MCF2L: variants seen among roughly 807,000 people sequenced by gnomAD.
MCF2L encodes the protein MCF.2 cell line derived transforming sequence like.
In MCF2L, 97 loss-of-function variants were observed where a neutral mutation model predicts 153.4. That is an observed-to-expected ratio of 0.63 (90% CI 0.54 to 0.75). The LOEUF is 0.75. Among genes scored for constraint, MCF2L ranks in the 30% least tolerant of loss-of-function variants. MCF2L has a pLI of 0.00. For missense variants in MCF2L, 1,347 were observed against 1,495.2 expected (o/e 0.90, Z 1.64); for synonymous variants, 659 against 632.2 (o/e 1.04, Z -0.64).
Position 112,969,568 on chromosome 13 carries a change from G to A in MCF2L, c.79+110G>A. ...TAAGCCGCCCTCGTGTTCCTTTCTA[G>A]CCGTGGTAGCTGTGACATGGGGGGC... is the stretch of plus-strand genomic sequence containing the variant. On this transcript the variant is annotated intron_variant, in intron 1 of 29. Coordinates refer to ENST00000535094, the MANE Select transcript of MCF2L (RefSeq NM_001112732.3). This position sits in a 1 kb window ranked among gnomAD's most constrained non-coding sequence, Gnocchi z 4.8. 1 of 1,505,514 alleles carries A rather than the reference G, an allele frequency of 6.6e-7. No individual in the cohort carries two copies. The highest frequency in any genetic ancestry group is 8.9e-7 in the Non-Finnish European group (1 of 1,118,370). The allele number at this position is 1,505,514 out of a possible 1,614,324, so 93.3% of individuals were successfully genotyped here.
At position 113,053,543 on chromosome 13, in the gene MCF2L, G is replaced by A. The variant is rs1012980185; in HGVS notation, c.370-7050G>A. On this transcript the variant is annotated intron_variant, in intron 4 of 29. Transcript: ENST00000535094. This position sits in a 1 kb window ranked among gnomAD's most constrained non-coding sequence, Gnocchi z 4.4. ...TGCTCAGACGGCCAAGGAGGCGTCCGGATTTCCCCAGGAGAAGGTGCCTCT... is the reference window on the plus strand; with the variant it reads ...TGCTCAGACGGCCAAGGAGGCGTCCAGATTTCCCCAGGAGAAGGTGCCTCT... 6.6e-5 allele frequency among the ~76,000 whole-genome samples: 10 copies of A among 152,168 alleles called. No individual in the cohort carries two copies. Among genetic ancestry groups the A allele is most frequent in the African/African-American group, 1.2e-4 (5 of 41,446 alleles).
Position 113,070,036 on chromosome 13 carries a change from G to A in MCF2L, c.882-23G>A, listed in dbSNP as rs371941142. On this transcript the variant is annotated intron_variant, in intron 8 of 29. Transcript: ENST00000535094. This position sits in a 1 kb window ranked among gnomAD's most constrained non-coding sequence, Gnocchi z 5.6. Reference sequence around the variant, plus strand: ...ATGGGGCGCCGTGGGCCACACAGACGGTCAACTCCTCCTCTTTCCCAGGCT... The same window carrying A: ...ATGGGGCGCCGTGGGCCACACAGACAGTCAACTCCTCCTCTTTCCCAGGCT... The A allele has an allele frequency of 1.3e-5, 21 of 1,577,942 alleles. No individual in the cohort carries two copies. The highest frequency in any genetic ancestry group is 1.7e-4 in the Middle Eastern group (1 of 5,950).
chr13:113,091,214 G>A lies in MCF2L; in HGVS notation c.2953+1486G>A, dbSNP rs752030488. On this transcript the variant is annotated intron_variant, in intron 26 of 29. Coordinates refer to ENST00000535094, the MANE Select transcript of MCF2L (RefSeq NM_001112732.3). ...GTGCGAGGTAGAGTGGCACCCTCGG[G>A]CACGGCACCCACTCTGCGTTGGCAG... 14 of 1,303,158 alleles carry A rather than the reference G, an allele frequency of 1.1e-5. No homozygotes were observed. The South Asian group carries it at 1.5e-4, about 14-fold the overall frequency. The allele number at this position is 1,303,158 out of a possible 1,614,324, so 80.7% of individuals were successfully genotyped here. A position where few individuals can be genotyped will look rare whatever the true frequency, so the allele number is the denominator to read the frequency against.
intron 1 of MCF2L, among the ~76,000 whole-genome samples, chr13:112,990,486 G>C (rs2082856261): frequency 6.6e-6 from 1 of 152,208 alleles, no homozygotes; most frequent in Non-Finnish European, 1.5e-5. Flanking sequence ...GGTGGCCGAG[G>C]CGGGGAGCAG....
chr13:112,968,539 G>T (rs779447157), upstream of MCF2L: 3 of 1,556,292 alleles, frequency 1.9e-6, no homozygotes, highest in African/African-American at 4.1e-5. Context: ...GGCAGGCGAT[G>T]CCCCTGCGGG....
chr13:113,031,074 CAGACAGATACAGACAGAGACAGAGACAG>C lies in MCF2L; in HGVS notation c.278+6320_278+6347del, dbSNP rs1433912237. Among the ~76,000 whole-genome samples, 648 of 134,272 alleles carry C rather than the reference CAGACAGATACAGACAGAGACAGAGACAG, an allele frequency of 4.8e-3. 21 individuals carry two copies. The East Asian group carries it at 0.11, about 23-fold the overall frequency. The allele number at this position is 134,272 out of a possible 152,430, so 88.1% of individuals were successfully genotyped here. ...ACAGATACAGACAGAGAGACAGAGA[CAGACAGATACAGACAGAGACAGAGACAG>C]AGAGAGACAGAGACAGAGAGTGACA... On this transcript the variant is annotated intron_variant, in intron 3 of 29. Coordinates refer to ENST00000535094, the MANE Select transcript of MCF2L (RefSeq NM_001112732.3). The surrounding 1 kb of genome is among the most constrained non-coding windows in gnomAD (Gnocchi z 5.5).
chr13:112,919,243 T>A (rs1379534812), intron 2 of MCF2L, among the ~76,000 whole-genome samples: 1 of 144,288 alleles, frequency 6.9e-6, no homozygotes, highest in African/African-American at 2.6e-5. Context: ...TCTTGCTCTG[T>A]CGCCCAGGCT....
chr13:113,040,475 G>A (rs1438656925), intron 3 of MCF2L: 1 of 139,992 alleles, frequency 7.1e-6, no homozygotes, highest in African/African-American at 2.7e-5. Context: ...GCTGTGCAGG[G>A]ACCCTTCTCC....
At chr13:113,001,367 C>G (rs141892728) in intron 1 of MCF2L, 1 of 152,678 alleles carries the variant, frequency 6.5e-6, no homozygotes, top group Non-Finnish European at 1.5e-5. Flanking sequence ...TTGCCAGGGG[C>G]AGAAGGCTTG....
intron 1 of MCF2L, among the ~76,000 whole-genome samples, chr13:112,992,446 G>C (rs1051260221): frequency 6.6e-6 from 1 of 152,242 alleles, no homozygotes; most frequent in African/African-American, 2.4e-5. Flanking sequence ...GAGGGCAGTG[G>C]AAGGGGAAGC....
intron 2 of MCF2L, among the ~76,000 whole-genome samples, chr13:112,926,549 G>A (rs1316663362): frequency 6.6e-6 from 1 of 152,224 alleles, no homozygotes; most frequent in Non-Finnish European, 1.5e-5. Context: ...GCACAGGGGG[G>A]TGCTGTGCCA....
intron 13 of MCF2L, among the ~76,000 whole-genome samples, chr13:113,077,720 T>A (rs998693887): frequency 2.6e-5 from 4 of 152,110 alleles, no homozygotes; most frequent in African/African-American, 9.7e-5. Flanking sequence ...AAACCCGCCC[T>A]CTATGCCGAG....
rs538021330 is a variant in MCF2L, at chr13:113,018,173, G to T, written c.163+3327G>T. 2.0e-5 allele frequency among the ~76,000 whole-genome samples: 3 copies of T among 152,172 alleles called. No individual in the cohort carries two copies. The South Asian group carries it at 6.2e-4, about 32-fold the overall frequency. ...GCCAAGTGAGGGATGCGTAAACCTC[G>T]GGGGCTCCGGACTCCTGTACGTTGC... On this transcript the variant is annotated intron_variant, in intron 2 of 29. Coordinates refer to ENST00000535094, the MANE Select transcript of MCF2L (RefSeq NM_001112732.3).
intron 2 of MCF2L, among the ~76,000 whole-genome samples, chr13:112,925,104 A>G (rs1257488739): frequency 6.6e-6 from 1 of 152,230 alleles, no homozygotes; most frequent in Non-Finnish European, 1.5e-5. Flanking sequence ...TTTAAATGTA[A>G]AAAGTAATCC....
In MCF2L at chr13:113,099,604, G is replaced by A. The variant is rs927448890; in HGVS notation, c.*2745G>A. 3.9e-5 allele frequency: 6 copies of A among 152,024 alleles called. No individual in the cohort carries two copies. Among genetic ancestry groups the A allele is most frequent in the African/African-American group, 1.5e-4 (6 of 41,370 alleles). The allele number at this position is 152,024 out of a possible 1,614,324, so 9.4% of individuals were successfully genotyped here. On this transcript the variant is annotated 3_prime_UTR_variant, in exon 30 of 30. Coordinates refer to ENST00000535094, the MANE Select transcript of MCF2L (RefSeq NM_001112732.3). ...AGTATTTAAATACTTCTGTCAATTA[G>A]GACAGTTGAGAAAAGAGAATAACAA...
chr13:113,065,897 A>G (rs1014982352), intron 7 of MCF2L, 149 bp from the exon 8 acceptor site: 2 of 815,238 alleles, frequency 2.5e-6, no homozygotes, highest in Non-Finnish European at 1.8e-6. Flanking sequence ...GCACGACCCC[A>G]CAGAAGAGAC....
intron 26 of MCF2L, chr13:113,091,108 C>T (rs2035168066): frequency 2.3e-6 from 3 of 1,304,354 alleles, no homozygotes; most frequent in Admixed American, 2.3e-5. Flanking sequence ...TCTGCCTCCT[C>T]CTCCTCTTGC....
chr13:112,996,359 G>A (rs2083130995), intron 1 of MCF2L, among the ~76,000 whole-genome samples: 1 of 152,174 alleles, frequency 6.6e-6, no homozygotes, highest in Admixed American at 6.5e-5. Flanking sequence ...GAGAGTTTCT[G>A]ACAAAAGAAT....
At position 113,081,181 on chromosome 13, in the gene MCF2L, C is replaced by A. The variant is rs191673403; in HGVS notation, c.1809-32C>A. The A allele has an allele frequency of 1.8e-5, 28 of 1,554,296 alleles. No individual in the cohort carries two copies. In the African/African-American group the frequency reaches 3.0e-4, roughly 16 times the overall value. On this transcript the variant is annotated intron_variant, in intron 15 of 29. Coordinates refer to ENST00000535094, the MANE Select transcript of MCF2L (RefSeq NM_001112732.3). Reference sequence around the variant, plus strand: ...ACCATTCCTGCTCTCCCAGTGCTAACCTTTTTTGCTCTCCACATGACCTGC... The same window carrying A: ...ACCATTCCTGCTCTCCCAGTGCTAAACTTTTTTGCTCTCCACATGACCTGC...
Sources: gnomAD v4.1 joint callset for allele counts (sites outside exome capture counted in the v4.1 genomes callset) on GRCh38, gnomAD v4.1.1 for gene constraint, Gnocchi (gnomAD v3.1) non-coding constraint, MANE v1.5 for transcripts, NCBI Gene and HGNC (gene_info 2026-07-23, HGNC 2026-07-21) for gene names.